PUS7: variants seen among roughly 807,000 people sequenced by gnomAD.
PUS7 encodes the protein pseudouridylate synthase 7 homolog.
Under a neutral mutation model 79.8 loss-of-function variants are expected in PUS7, and 48 were observed. That is an observed-to-expected ratio of 0.60 (90% CI 0.48 to 0.76). The LOEUF is 0.76. Ranked by LOEUF, PUS7 falls within the 30% of genes least tolerant of loss-of-function variation. The pLI is 0.00. For missense variants in PUS7, 729 were observed against 797.6 expected (o/e 0.91, Z 1.04); for synonymous variants, 286 against 272.2 (o/e 1.05, Z -0.50).
chr7:105,519,643 T>C (rs1022148921), intron 1 of PUS7, among the ~76,000 whole-genome samples: 2 of 152,246 alleles, frequency 1.3e-5, no homozygotes, highest in Non-Finnish European at 2.9e-5. Context: ...CTGGCATTGT[T>C]GTAGGTACTG....
intron 9 of PUS7, among the ~76,000 whole-genome samples, chr7:105,477,606 A>T (rs1413582220): frequency 6.6e-6 from 1 of 152,026 alleles, no homozygotes; most frequent in Non-Finnish European, 1.5e-5. Flanking sequence ...CACATAACAT[A>T]TAATTCACCC....
chr7:105,507,401 G>T (rs767375644), intron 2 of PUS7, among the ~76,000 whole-genome samples: 20 of 152,076 alleles, frequency 1.3e-4, no homozygotes, highest in Non-Finnish European at 7.4e-5. Context: ...TAACTACTAA[G>T]TAGCGAACTT....
chr7:105,509,872 G>A (rs958336449), intron 1 of PUS7, among the ~76,000 whole-genome samples: 3 of 152,160 alleles, frequency 2.0e-5, no homozygotes, highest in African/African-American at 7.2e-5. Flanking sequence ...AACTGGGAAG[G>A]GTGGTTACCT....
intron 1 of PUS7, among the ~76,000 whole-genome samples, chr7:105,512,081 G>A (rs4074939): frequency 0.14 from 20,307 of 148,522 alleles, 1,788 homozygotes; most frequent in South Asian, 0.26. Context: ...GGAGGCGGAC[G>A]TTGCAGTGAG....
chr7:105,497,014 T>C (rs1223301418), intron 5 of PUS7: 1 of 1,175,436 alleles, frequency 8.5e-7, no homozygotes. Flanking sequence ...GAGCAATGTT[T>C]AATTTATAAT....
chr7:105,466,943 T>A (rs975211591), intron 12 of PUS7, among the ~76,000 whole-genome samples: 1 of 151,386 alleles, frequency 6.6e-6, no homozygotes, highest in South Asian at 2.1e-4. Context: ...GATGAGCAGA[T>A]CATGTATTCA....
chr7:105,506,258 A>G lies in PUS7; in HGVS notation c.414T>C (p.Val138=), dbSNP rs760883692. 17 of 1,612,008 alleles carry G rather than the reference A, an allele frequency of 1.1e-5. No individual in the cohort carries two copies. Among genetic ancestry groups the G allele is most frequent in the South Asian group, 1.1e-5 (1 of 90,602 alleles). ...GILKERYSDF[V]VHEIGKDGRI... ...GTCCATCTTTTCCTATTTCATGAAC[A>G]ACGAAGTCGGAGTATCTGATGAAAG... The change falls in exon 3 of 16, where the codon GTT becomes GTC. Residue 138 remains valine, a synonymous_variant. Coordinates refer to ENST00000469408, the MANE Select transcript of PUS7 (RefSeq NM_019042.5).
intron 4 of PUS7, among the ~76,000 whole-genome samples, chr7:105,504,553 T>G (rs190226487): frequency 1.3e-5 from 2 of 152,348 alleles, no homozygotes; most frequent in Admixed American, 1.3e-4. Context: ...AAAGTCCATC[T>G]TCATTTTACA....
In PUS7 at chr7:105,462,740, G is replaced by T. The variant is rs1823484699; in HGVS notation, c.1638C>A (p.Ala546=). 1 of 1,611,520 alleles carries T rather than the reference G, an allele frequency of 6.2e-7. No individual in the cohort carries two copies. The highest frequency in any genetic ancestry group is 1.1e-5 in the South Asian group (1 of 90,578). ...TGTCAGCTGTGAGCATTTCCCTGTA[G>T]GCTTCTTGAACTAATATAAAATACA... is the stretch of plus-strand genomic sequence containing the variant. The part of the protein sequence containing the change: ...VIYPKHKIQE[A]YREMLTADNL... Residue 546 remains alanine, a synonymous_variant, in exon 14 of 16, where the codon GCC becomes GCA. Coordinates refer to ENST00000469408, the MANE Select transcript of PUS7 (RefSeq NM_019042.5).
intron 7 of PUS7, among the ~76,000 whole-genome samples, chr7:105,482,797 T>C (rs1295941237): frequency 6.6e-6 from 1 of 152,074 alleles, no homozygotes; most frequent in African/African-American, 2.4e-5. Context: ...ACAAATCCCA[T>C]AGAAAGAATG....
intron 8 of PUS7, among the ~76,000 whole-genome samples, chr7:105,481,734 CTT>C (rs60700481): frequency 1.3e-4 from 18 of 142,910 alleles, no homozygotes; most frequent in Admixed American, 2.1e-4. Context: ...GGCTCAGTGT[CTT>C]TTTTTTTTTT....
At chr7:105,498,189 A>G (rs1213255597) in intron 5 of PUS7, among the ~76,000 whole-genome samples, 2 of 152,208 alleles carry the variant, frequency 1.3e-5, no homozygotes, top group African/African-American at 4.8e-5. Context: ...TTCTTTTTCT[A>G]AGTACACTCA....
intron 1 of PUS7, among the ~76,000 whole-genome samples, chr7:105,513,155 C>T (rs937671551): frequency 6.6e-6 from 1 of 152,164 alleles, no homozygotes; most frequent in Non-Finnish European, 1.5e-5. Flanking sequence ...CATGCCCTTA[C>T]CAAAAACCTG....
At chr7:105,476,080 C>T (rs1214485345) in intron 9 of PUS7, among the ~76,000 whole-genome samples, 6 of 145,080 alleles carry the variant, frequency 4.1e-5, no homozygotes, top group South Asian at 2.2e-4. Flanking sequence ...GCTGAGATGG[C>T]GCCACTGCAC....
At position 105,457,778 on chromosome 7, in the gene PUS7, A is replaced by G. The variant is rs1823245942; in HGVS notation, c.*12T>C. The G allele has an allele frequency of 3.7e-6, 6 of 1,612,750 alleles. No individual in the cohort carries two copies. Among genetic ancestry groups the G allele is most frequent in the Non-Finnish European group, 5.1e-6 (6 of 1,179,250 alleles). ...CTTGTGTACGTTTTCTAATCTGTGG[A>G]CAAGGTACTGCTCAGCGAAGCCAGG... On this transcript the variant is annotated 3_prime_UTR_variant, in exon 16 of 16. Transcript: ENST00000469408.
chr7:105,502,290 G>A, intron 5 of PUS7, 130 bp downstream of exon 5: 1 of 1,164,022 alleles, frequency 8.6e-7, no homozygotes, highest in Non-Finnish European at 1.2e-6. Context: ...CTCTGAAGGA[G>A]GGACATGATC....
At chr7:105,462,300 C>T in intron 14 of PUS7, 1 of 229,070 alleles carries the variant, frequency 4.4e-6, no homozygotes. Context: ...GGTGTGGTGG[C>T]AGGTGCCTGT....
chr7:105,499,429 T>C (rs528208346), intron 5 of PUS7, among the ~76,000 whole-genome samples: 1 of 152,322 alleles, frequency 6.6e-6, no homozygotes, highest in African/African-American at 2.4e-5. Flanking sequence ...ACCTATCACA[T>C]GGCAGAATTT....
intron 9 of PUS7, among the ~76,000 whole-genome samples, chr7:105,476,872 AGTCT>A (rs1236392966): frequency 3.3e-5 from 5 of 152,214 alleles, no homozygotes; most frequent in South Asian, 2.1e-4. Context: ...GTTGAACACC[AGTCT>A]GTCTATCTTT....
Sources: gnomAD v4.1 joint callset for allele counts (sites outside exome capture counted in the v4.1 genomes callset) on GRCh38, gnomAD v4.1.1 for gene constraint, MANE v1.5 for transcripts, NCBI Gene and HGNC (gene_info 2026-07-23, HGNC 2026-07-21) for gene names.